Variants in DLAT observed in about 807,000 individuals in gnomAD.
DLAT encodes the protein dihydrolipoyllysine-residue acetyltransferase component of pyruvate dehydrogenase complex, mitochondrial.
In DLAT, 43 loss-of-function variants were observed where a neutral mutation model predicts 68.0. The observed-to-expected ratio is 0.63, with a 90% CI of 0.50 to 0.81. DLAT has a LOEUF of 0.81. Ranked by LOEUF, DLAT falls within the 40% of genes least tolerant of loss-of-function variation. DLAT has a pLI of 0.00. For synonymous variants in DLAT, 265 were observed against 288.6 expected (o/e 0.92, Z 0.83); for missense variants, 745 against 815.4 (o/e 0.91, Z 1.05).
At chr11:112,057,838 A>G (rs935454926) in intron 11 of DLAT, among the ~76,000 whole-genome samples, 2 of 152,242 alleles carry the variant, frequency 1.3e-5, no homozygotes, top group African/African-American at 2.4e-5. Flanking sequence ...CCAGCAAAAA[A>G]TTACAATTCA....
intron 11 of DLAT, among the ~76,000 whole-genome samples, chr11:112,055,847 A>ATTTTTTTTTTTTTTT (rs1566635432): frequency 2.0e-5 from 1 of 49,672 alleles, no homozygotes; most frequent in African/African-American, 7.0e-5. Context: ...GCATATAGAC[A>ATTTTTTTTTTTTTTT]CTTTTTTTTT....
intron 11 of DLAT, among the ~76,000 whole-genome samples, chr11:112,055,693 C>G (rs1291998710): frequency 6.6e-6 from 1 of 151,778 alleles, no homozygotes; most frequent in East Asian, 1.9e-4. Context: ...CATTCCTTTT[C>G]CGTGCTATGG....
At chr11:112,055,547 G>A (rs903703614) in intron 11 of DLAT, among the ~76,000 whole-genome samples, 7 of 151,684 alleles carry the variant, frequency 4.6e-5, no homozygotes, top group African/African-American at 1.7e-4. Flanking sequence ...CCCGGCCAAG[G>A]CCTATATTCA....
Position 112,043,490 on chromosome 11 carries a change from C to A in DLAT, c.1154C>A (p.Thr385Asn). 6.2e-7 allele frequency: 1 copy of A among 1,614,120 alleles called. No individual in the cohort carries two copies. Among genetic ancestry groups the A allele is most frequent in the Non-Finnish European group, 8.5e-7 (1 of 1,179,988 alleles). ...VKGTGPDGRI[T>N]KKDIDSFVPS... ...GGGACAGGACCAGATGGTAGAATCA[C>A]CAAGAAGGATATCGACTCTTTTGTG... The change falls in exon 8 of 14, where the codon ACC (threonine) becomes AAC (asparagine). Residue 385 changes from threonine to asparagine, a missense_variant. Transcript: ENST00000280346.
chr11:112,047,952 T>G (rs1555181623), intron 10 of DLAT, among the ~76,000 whole-genome samples: 9 of 152,214 alleles, frequency 5.9e-5, no homozygotes. Flanking sequence ...ATACGGGCCC[T>G]TTTTTGGTTC....
intron 6 of DLAT, among the ~76,000 whole-genome samples, chr11:112,037,718 C>T (rs372395192): frequency 6.6e-6 from 1 of 151,112 alleles, no homozygotes; most frequent in South Asian, 2.1e-4. Flanking sequence ...GTGACATGTT[C>T]TCTTTCTGCT....
At chr11:112,054,566 A>G (rs1486579255) in intron 11 of DLAT, among the ~76,000 whole-genome samples, 1 of 152,102 alleles carries the variant, frequency 6.6e-6, no homozygotes, top group Non-Finnish European at 1.5e-5. Context: ...AAACCATTAA[A>G]CCATTTCTCA....
chr11:112,038,399 G>A (rs143109339), intron 6 of DLAT, among the ~76,000 whole-genome samples: 30 of 150,694 alleles, frequency 2.0e-4, no homozygotes, highest in African/African-American at 6.3e-4. Context: ...GGGTTTCACC[G>A]TGTTGGCCAG....
chr11:112,045,650 C>T (rs1373785976), intron 9 of DLAT, among the ~76,000 whole-genome samples: 5 of 150,956 alleles, frequency 3.3e-5, no homozygotes, highest in East Asian at 2.0e-4. Context: ...ATCGCACCAC[C>T]GCACTCCAGC....
In DLAT at chr11:112,035,663, A is replaced by G. The variant is rs587631466; in HGVS notation, c.788-1610A>G. Among the ~76,000 whole-genome samples the G allele has an allele frequency of 3.3e-5, 5 of 150,690 alleles. No homozygotes were observed. In the East Asian group the frequency reaches 9.8e-4, roughly 30 times the overall value. On this transcript the variant is annotated intron_variant, in intron 5 of 13. Transcript: ENST00000280346. ...GCCACTACGCCCGGCTAATTTTTGT[A>G]TTTTTAGTAGAAATGTGGTTTCACT...
rs1555180587 is a variant in DLAT at position 112,037,325 on chromosome 11, C to T, written c.840C>T (p.Gly280=). 6.2e-7 allele frequency: 1 copy of T among 1,614,150 alleles called. No individual in the cohort carries two copies. The highest frequency in any genetic ancestry group is 8.5e-7 in the Non-Finnish European group (1 of 1,180,016). The change falls in exon 6 of 14, where the codon GGC becomes GGT. Residue 280 remains glycine (G), a synonymous_variant. Coordinates refer to ENST00000280346, the MANE Select transcript of DLAT (RefSeq NM_001931.5). ...TGGCAAAAATCCTGGTCCCTGAAGG[C>T]ACAAGAGATGTCCCTCTAGGAACCC... is the stretch of plus-strand genomic sequence containing the variant. ...GYLAKILVPE[G]TRDVPLGTPL...
In DLAT at chr11:112,055,305, G is replaced by A. The variant is rs587616192; in HGVS notation, c.1514+3956G>A. On this transcript the variant is annotated intron_variant, in intron 11 of 13. Transcript: ENST00000280346. Reference sequence around the variant, plus strand: ...GTCGCCCAGGCTGGAGTGCAGTGGCGCAATCTCGGCTCACTGCAACCTCCG... The same window carrying A: ...GTCGCCCAGGCTGGAGTGCAGTGGCACAATCTCGGCTCACTGCAACCTCCG... 1.2e-4 allele frequency among the ~76,000 whole-genome samples: 17 copies of A among 141,454 alleles called. No homozygotes were observed. In the South Asian group the frequency reaches 1.4e-3, roughly 12 times the overall value. 92.8% of individuals were successfully genotyped at this position (141,454 alleles called of 152,430 possible).
At chr11:112,058,635 GAA>G (rs1673247461) in intron 11 of DLAT, among the ~76,000 whole-genome samples, 1 of 122,144 alleles carries the variant, frequency 8.2e-6, no homozygotes, top group Admixed American at 8.2e-5. Flanking sequence ...TGGGGGGGGG[GAA>G]TCACCTTTTT....
intron 13 of DLAT, among the ~76,000 whole-genome samples, chr11:112,061,872 T>C (rs1864649842): frequency 6.6e-6 from 1 of 152,218 alleles, no homozygotes; most frequent in African/African-American, 2.4e-5. Flanking sequence ...AATGAGCCAG[T>C]GTGCCTGGCC....
chr11:112,036,203 T>TG (rs1566617824), intron 5 of DLAT, among the ~76,000 whole-genome samples: 13 of 22,030 alleles, frequency 5.9e-4, no homozygotes, highest in African/African-American at 9.5e-4. Context: ...GTGTGTGTGT[T>TG]TTTTTTTTTT....
chr11:112,025,559 C>T lies in DLAT; in HGVS notation c.87C>T (p.Pro29=). The change falls in exon 1 of 14, where the codon CCC becomes CCT. Residue 29 remains proline, a synonymous_variant. Transcript: ENST00000280346. ...GGTGGACGGCCTTGCAGGAGGTACC[C>T]GGAACTCCACGAGTGACCTCGCGAT... ...EARWTALQEV[P]GTPRVTSRSG... 8 of 1,613,964 alleles carry T rather than the reference C, an allele frequency of 5.0e-6. No homozygotes were observed. The highest frequency in any genetic ancestry group is 2.2e-5 in the South Asian group (2 of 91,080).
chr11:112,026,743 T>G (rs1862040537), intron 2 of DLAT, among the ~76,000 whole-genome samples: 1 of 152,222 alleles, frequency 6.6e-6, no homozygotes, highest in Non-Finnish European at 1.5e-5. Context: ...AACCATCCGA[T>G]TTCTCAATCT....
At chr11:112,043,687 G>A (rs1210006227) in intron 8 of DLAT, among the ~76,000 whole-genome samples, 154 bp downstream of exon 8, 1 of 152,164 alleles carries the variant, frequency 6.6e-6, no homozygotes, top group African/African-American at 2.4e-5. Flanking sequence ...GTACCCATGA[G>A]AGGTTGGTTC....
At chr11:112,045,378 A>G in intron 9 of DLAT, 148 bp downstream of exon 9, 1 of 725,864 alleles carries the variant, frequency 1.4e-6, no homozygotes, top group Non-Finnish European at 2.4e-6. Context: ...CCAACTGAAT[A>G]CTTGAATCAC....
Sources: allele counts gnomAD v4.1 joint callset (sites outside exome capture counted in the v4.1 genomes callset), GRCh38; gene constraint gnomAD v4.1.1; transcripts MANE v1.5; gene names NCBI Gene and HGNC (gene_info 2026-07-23, HGNC 2026-07-21).